The following DDA1 variants were observed in gnomAD, a reference collection of about 807,000 sequenced individuals.
DDA1 encodes the protein DET1 and DDB1 associated 1, also known as DET1- and DDB1-associated protein 1.
In DDA1, 3 loss-of-function variants were observed where a neutral mutation model predicts 18.6. The ratio of observed to expected loss-of-function variants is 0.16; its 90% CI spans 0.07 to 0.42. The LOEUF is 0.42. DDA1 is among the 10% of genes least tolerant of loss of function. The probability of loss-of-function intolerance (pLI) is 0.99; values close to 1 mark genes in which losing one functional copy is unlikely to be tolerated. For missense variants in DDA1, 105 were observed against 138.2 expected (o/e 0.76, Z 1.20); for synonymous variants, 52 against 54.0 (o/e 0.96, Z 0.17).
intron 1 of DDA1, among the ~76,000 whole-genome samples, chr19:17,312,933 G>A (rs747922973): frequency 6.6e-6 from 1 of 152,114 alleles, no homozygotes; most frequent in African/African-American, 2.4e-5. Flanking sequence ...GTGGGAGGGG[G>A]AGGCCCACCC....
In DDA1 at chr19:17,320,879, T is replaced by C. The variant is rs902210356; in HGVS notation, c.*1223T>C. ...GGTGTTCGGGCTCTGGGCAGAAGGTTTGTGGCCCTGACCACTGAGCCTGGG... is the reference window on the plus strand; with the variant it reads ...GGTGTTCGGGCTCTGGGCAGAAGGTCTGTGGCCCTGACCACTGAGCCTGGG... On this transcript the variant is annotated 3_prime_UTR_variant, in exon 5 of 5. Transcript: ENST00000359866. 3.9e-5 allele frequency: 6 copies of C among 152,318 alleles called. No individual in the cohort carries two copies. Among genetic ancestry groups the C allele is most frequent in the African/African-American group, 1.4e-4 (6 of 41,462 alleles). 9.4% of individuals were successfully genotyped at this position (152,318 alleles called of 1,614,324 possible).
rs1362593583 is a variant in DDA1, at chr19:17,309,780, G to A, written c.3+123G>A. On this transcript the variant is annotated intron_variant, in intron 1 of 4. Transcript: ENST00000359866. ...TGCCCGGTCCCCTCAGGTCCGGCCC[G>A]CCCCTCCCACTCACCTGTGACCTTC... is the stretch of plus-strand genomic sequence containing the variant. 13 of 1,286,364 alleles carry A rather than the reference G, an allele frequency of 1.0e-5. No homozygotes were observed. In the South Asian group the frequency reaches 1.6e-4, roughly 15 times the overall value. The allele number at this position is 1,286,364 out of a possible 1,614,324, so 79.7% of individuals were successfully genotyped here. A position where few individuals can be genotyped will look rare whatever the true frequency, so the allele number is the denominator to read the frequency against.
chr19:17,309,593 G>C lies in DDA1; in HGVS notation c.-62G>C. On this transcript the variant is annotated 5_prime_UTR_variant, in exon 1 of 5. Coordinates refer to ENST00000359866, the MANE Select transcript of DDA1 (RefSeq NM_024050.6). Reference sequence around the variant, plus strand: ...ACTGTGAGGCGGCGGCTAAGAAGGCGGCTCTGGTGGCGGCGGTGGAGGCTG... The same window carrying C: ...ACTGTGAGGCGGCGGCTAAGAAGGCCGCTCTGGTGGCGGCGGTGGAGGCTG... The C allele has an allele frequency of 6.4e-7, 1 of 1,571,162 alleles. No homozygotes were observed. The highest frequency in any genetic ancestry group is 8.8e-7 in the Non-Finnish European group (1 of 1,142,536).
intron 3 of DDA1, among the ~76,000 whole-genome samples, chr19:17,315,190 C>CGT (rs1568353690): frequency 1.4e-4 from 2 of 13,798 alleles, no homozygotes; most frequent in Non-Finnish European, 3.5e-4. Context: ...CGTGTATACA[C>CGT]ACACGTGTAT....
Position 17,318,119 on chromosome 19 carries a change from ACCT to A in DDA1, c.199-1418_199-1416del, listed in dbSNP as rs145970268. On this transcript the variant is annotated intron_variant, in intron 4 of 4. Transcript: ENST00000359866. ...AGTGGCGTGATCTCGGCTCACTGTAACCTCCTCCTCCCAGTCTCCACCTCCCAG... is the reference window on the plus strand; with the variant it reads ...AGTGGCGTGATCTCGGCTCACTGTAACCTCCTCCCAGTCTCCACCTCCCAG... 8.8e-3 allele frequency among the ~76,000 whole-genome samples: 1,320 copies of A among 149,514 alleles called. 17 individuals are homozygous for A. Among genetic ancestry groups the A allele is most frequent in the African/African-American group, 0.031 (1,245 of 40,442 alleles).
At chr19:17,309,783 C>T (rs2074170015) in intron 1 of DDA1, 126 bp downstream of exon 1, 1 of 1,261,654 alleles carries the variant, frequency 7.9e-7, no homozygotes, top group South Asian at 1.6e-5. Context: ...CCGGCCCGCC[C>T]CTCCCACTCA....
intron 4 of DDA1, among the ~76,000 whole-genome samples, chr19:17,318,616 C>T (rs1260112753): frequency 6.6e-6 from 1 of 152,082 alleles, no homozygotes; most frequent in Non-Finnish European, 1.5e-5. Flanking sequence ...ATCCACCCAC[C>T]TCGGCCTCCC....
chr19:17,313,107 C>A (rs1352960035), intron 1 of DDA1, among the ~76,000 whole-genome samples: 1 of 152,204 alleles, frequency 6.6e-6, no homozygotes, highest in East Asian at 1.9e-4. Flanking sequence ...AGGGGATGGC[C>A]TTCCCTTCCA....
intron 4 of DDA1, among the ~76,000 whole-genome samples, chr19:17,317,139 G>A (rs1040763621): frequency 7.2e-5 from 11 of 152,132 alleles, no homozygotes; most frequent in Admixed American, 5.2e-4. Flanking sequence ...GCAGAAGAAT[G>A]GCTTGAACCT....
chr19:17,315,409 CGTGTGT>C (rs781595425), intron 3 of DDA1, among the ~76,000 whole-genome samples: 1 of 43,516 alleles, frequency 2.3e-5, no homozygotes, highest in Non-Finnish European at 4.9e-5. Flanking sequence ...TATATACATA[CGTGTGT>C]GTGTGTGTGT....
At chr19:17,311,081 C>T (rs2074176545) in intron 1 of DDA1, among the ~76,000 whole-genome samples, 1 of 152,052 alleles carries the variant, frequency 6.6e-6, no homozygotes, top group South Asian at 2.1e-4. Flanking sequence ...GTCTCAAACT[C>T]CTGGGCTCAA....
At chr19:17,315,428 G>GTATATATATATATATATA (rs1568354197) in intron 3 of DDA1, among the ~76,000 whole-genome samples, 7 of 71,352 alleles carry the variant, frequency 9.8e-5, no homozygotes, top group African/African-American at 2.9e-4. Flanking sequence ...GTGTGTGTGT[G>GTATATATATATATATATA]CATATATATA....
chr19:17,311,953 C>G (rs570980683), intron 1 of DDA1, among the ~76,000 whole-genome samples: 1 of 152,162 alleles, frequency 6.6e-6, no homozygotes, highest in Non-Finnish European at 1.5e-5. Flanking sequence ...CTTAGCATGA[C>G]AGGAAGGCTG....
chr19:17,311,496 C>A (rs989721042), intron 1 of DDA1, among the ~76,000 whole-genome samples: 1 of 152,174 alleles, frequency 6.6e-6, no homozygotes, highest in African/African-American at 2.4e-5. Context: ...ATACCACTTT[C>A]TAGCCTATAA....
intron 4 of DDA1, among the ~76,000 whole-genome samples, chr19:17,318,602 A>G (rs1164838880): frequency 4.1e-5 from 6 of 147,314 alleles, no homozygotes; most frequent in Admixed American, 4.0e-4. Flanking sequence ...CCTGACTTGA[A>G]GTGATCCACC....
chr19:17,319,523 C>T (rs2074229344), intron 4 of DDA1, 23 bp from the exon 5 acceptor site: 1 of 1,549,570 alleles, frequency 6.5e-7, no homozygotes, highest in Admixed American at 2.0e-5. Flanking sequence ...ACTCACAGCC[C>T]CTCTCTTTTC....
At chr19:17,318,087 G>A (rs1314269598) in intron 4 of DDA1, among the ~76,000 whole-genome samples, 3 of 151,890 alleles carry the variant, frequency 2.0e-5, no homozygotes, top group Non-Finnish European at 2.9e-5. Flanking sequence ...CGCCCAGGCT[G>A]GAGTGCAGTG....
chr19:17,309,969 G>T (rs930158464), intron 1 of DDA1, among the ~76,000 whole-genome samples: 1 of 151,290 alleles, frequency 6.6e-6, no homozygotes, highest in African/African-American at 2.4e-5. Context: ...AAGACCCCCT[G>T]GTCTGGCCTC....
At chr19:17,316,566 CA>C (rs2074214084) in intron 4 of DDA1, among the ~76,000 whole-genome samples, 2 of 150,592 alleles carry the variant, frequency 1.3e-5, no homozygotes, top group Non-Finnish European at 2.9e-5. Flanking sequence ...GTTGACAGAG[CA>C]AGACTGTCTC....
Sources: allele counts gnomAD v4.1 joint callset (sites outside exome capture counted in the v4.1 genomes callset), GRCh38; gene constraint gnomAD v4.1.1; transcripts MANE v1.5; gene names NCBI Gene and HGNC (gene_info 2026-07-23, HGNC 2026-07-21).